Variants in RGS22 observed in about 807,000 individuals in gnomAD.
The protein encoded by RGS22 is regulator of G protein signaling 22, also known as regulator of G-protein signaling 22.
RGS22 carries 148 observed loss-of-function variants against 172.9 expected under a neutral mutation model. The ratio of observed to expected loss-of-function variants is 0.86; its 90% CI spans 0.75 to 0.98. The LOEUF (loss-of-function observed/expected upper bound fraction) is 0.98, where lower values mean the gene tolerates loss of function less well. RGS22 is among the 50% of genes least tolerant of loss of function. RGS22 has a pLI of 0.00. For synonymous variants in RGS22, 458 were observed against 480.2 expected (o/e 0.95, Z 0.60); for missense variants, 1,347 against 1,440.8 (o/e 0.93, Z 1.05).
At chr8:100,051,857 A>C (rs1821562257) in intron 10 of RGS22, among the ~76,000 whole-genome samples, 1 of 66,880 alleles carries the variant, frequency 1.5e-5, no homozygotes, top group Non-Finnish European at 2.6e-5. Flanking sequence ...ATATATTTAT[A>C]TATAAATGTT....
intron 18 of RGS22, among the ~76,000 whole-genome samples, chr8:99,999,775 T>C (rs1026799914): frequency 6.6e-6 from 1 of 152,248 alleles, no homozygotes; most frequent in Non-Finnish European, 1.5e-5. Context: ...ATTAGTTTTC[T>C]AATATCCTAT....
intron 14 of RGS22, among the ~76,000 whole-genome samples, chr8:100,033,539 CAAA>C: frequency 7.2e-6 from 1 of 138,958 alleles, no homozygotes; most frequent in South Asian, 2.3e-4. Flanking sequence ...GCCTACCAAC[CAAA>C]AAAAAAAAAA....
rs535984838 is a variant in RGS22, at chr8:100,002,326, C to T, written c.2666G>A (p.Arg889Gln). The change falls in exon 18 of 28, where the codon CGG (arginine) becomes CAG (glutamine). Residue 889 changes from arginine (R) to glutamine (Q), a missense_variant. Coordinates refer to ENST00000360863, the MANE Select transcript of RGS22 (RefSeq NM_015668.5). Reference sequence around the variant, plus strand: ...ATTTCGATCTCTGTAAGTTATTCTCCGGAACTGCTCAATGTCTGTCCAGCA... The same window carrying T: ...ATTTCGATCTCTGTAAGTTATTCTCTGGAACTGCTCAATGTCTGTCCAGCA... ...LMCWTDIEQF[R>Q]RITYRDRNQR... 69 of 1,611,206 alleles carry T rather than the reference C, an allele frequency of 4.3e-5. No homozygotes were observed. In the South Asian group the frequency reaches 5.4e-4, roughly 13 times the overall value.
chr8:100,069,229 T>C (rs1810768684), intron 6 of RGS22, among the ~76,000 whole-genome samples: 1 of 152,234 alleles, frequency 6.6e-6, no homozygotes, highest in Non-Finnish European at 1.5e-5. Context: ...TTTGCAAGTT[T>C]GGAAGTGCCT....
intron 3 of RGS22, among the ~76,000 whole-genome samples, chr8:100,088,858 G>A (rs1382308639): frequency 6.6e-6 from 1 of 152,016 alleles, no homozygotes; most frequent in African/African-American, 2.4e-5. Flanking sequence ...AGTCATCTCA[G>A]AGATGACCTA....
chr8:100,065,310 T>C (rs1810461932), intron 7 of RGS22, among the ~76,000 whole-genome samples: 1 of 152,210 alleles, frequency 6.6e-6, no homozygotes, highest in African/African-American at 2.4e-5. Context: ...GCTCACCATC[T>C]CCTGCCATCC....
intron 4 of RGS22, among the ~76,000 whole-genome samples, chr8:100,077,886 A>G (rs1413439168): frequency 5.9e-5 from 9 of 151,390 alleles, no homozygotes; most frequent in Non-Finnish European, 1.5e-5. Flanking sequence ...TGCATCATGT[A>G]CTCTGAACCT....
intron 22 of RGS22, among the ~76,000 whole-genome samples, chr8:99,981,634 A>T (rs1812557031): frequency 6.6e-6 from 1 of 151,960 alleles, no homozygotes; most frequent in African/African-American, 2.4e-5. Flanking sequence ...AAGTCCCAGT[A>T]TTGGGAGGAC....
At chr8:99,994,060 A>G (rs1390504313) in intron 20 of RGS22, among the ~76,000 whole-genome samples, 1 of 152,186 alleles carries the variant, frequency 6.6e-6, no homozygotes, top group Non-Finnish European at 1.5e-5. Context: ...CAACAAATTC[A>G]GCAACCCTTC....
chr8:99,997,975 T>C (rs1814571027), intron 19 of RGS22, among the ~76,000 whole-genome samples: 1 of 152,218 alleles, frequency 6.6e-6, no homozygotes, highest in South Asian at 2.1e-4. Flanking sequence ...AATGGGATTA[T>C]CTTCTATACA....
intron 4 of RGS22, among the ~76,000 whole-genome samples, chr8:100,077,325 C>CA (rs1304277651): frequency 6.6e-6 from 1 of 151,968 alleles, no homozygotes; most frequent in Admixed American, 6.5e-5. Flanking sequence ...CTCATAGTGA[C>CA]AAGTAGATCA....
intron 23 of RGS22, among the ~76,000 whole-genome samples, chr8:99,968,303 C>G (rs1270425672): frequency 6.6e-6 from 1 of 152,050 alleles, no homozygotes; most frequent in African/African-American, 2.4e-5. Context: ...CTGAAAATTC[C>G]AAAAACCAGA....
At chr8:100,036,966 A>G (rs1819563767) in intron 14 of RGS22, among the ~76,000 whole-genome samples, 1 of 152,164 alleles carries the variant, frequency 6.6e-6, no homozygotes, top group Non-Finnish European at 1.5e-5. Context: ...AACGATCTAA[A>G]TTGAAAATTT....
chr8:100,098,906 A>C (rs1440621800), intron 2 of RGS22, among the ~76,000 whole-genome samples: 1 of 92,560 alleles, frequency 1.1e-5, no homozygotes, highest in Non-Finnish European at 2.2e-5. Flanking sequence ...ATTTTATTTT[A>C]TTTTATTTTA....
Position 99,999,267 on chromosome 8 carries a change from T to C in RGS22, c.2944A>G (p.Ile982Val), listed in dbSNP as rs755870794. The change falls in exon 19 of 28, where the codon ATA (isoleucine) becomes GTA (valine). Residue 982 changes from isoleucine to valine, a missense_variant. Coordinates refer to ENST00000360863, the MANE Select transcript of RGS22 (RefSeq NM_015668.5). ...ASEQFAARQKIKVQMKDIAEE... is the reference protein window; with the variant it reads ...ASEQFAARQKVKVQMKDIAEE... ...GATTATACTAATTTATATACCTTTA[T>C]CTTCTGACGTGCTGCAAACTGTTCA... The C allele has an allele frequency of 1.5e-5, 24 of 1,613,258 alleles. No homozygotes were observed. In the East Asian group the frequency reaches 5.1e-4, roughly 34 times the overall value.
At chr8:100,041,336 G>A (rs1820086694) in intron 12 of RGS22, among the ~76,000 whole-genome samples, 1 of 151,840 alleles carries the variant, frequency 6.6e-6, no homozygotes, top group African/African-American at 2.4e-5. Flanking sequence ...TAAAAATACA[G>A]AAAAGTTAGC....
At chr8:100,025,230 G>A (rs913423431) in intron 14 of RGS22, among the ~76,000 whole-genome samples, 2 of 152,116 alleles carry the variant, frequency 1.3e-5, no homozygotes, top group African/African-American at 2.4e-5. Flanking sequence ...GATGCAACAC[G>A]AGAACCCTGC....
chr8:100,066,138 T>C (rs1176384643), intron 7 of RGS22, 29 bp downstream of exon 7: 3 of 1,603,106 alleles, frequency 1.9e-6, no homozygotes, highest in East Asian at 2.2e-5. Flanking sequence ...AGAGAAGTTC[T>C]GAAGTCATTC....
intron 3 of RGS22, 51 bp downstream of exon 3, chr8:100,093,396 A>G (rs745310379): frequency 9.0e-7 from 1 of 1,116,990 alleles, no homozygotes; most frequent in South Asian, 1.4e-5. Flanking sequence ...CAGTGATTAA[A>G]ATATTTTGCT....
Sources: gnomAD v4.1 joint callset for allele counts (sites outside exome capture counted in the v4.1 genomes callset) on GRCh38, gnomAD v4.1.1 for gene constraint, MANE v1.5 for transcripts, NCBI Gene and HGNC (gene_info 2026-07-23, HGNC 2026-07-21) for gene names.